The following DMD variants were observed in gnomAD, a reference collection of about 807,000 sequenced individuals.
The protein encoded by DMD is dystrophin.
Under a neutral mutation model 330.1 loss-of-function variants are expected in DMD, and 63 were observed. The observed-to-expected ratio is 0.19, with a 90% confidence interval of 0.16 to 0.24. The LOEUF is 0.24. Ranked by LOEUF, DMD falls within the 10% of genes least tolerant of loss-of-function variation. The pLI is 1.00. For missense variants in DMD, 3,344 were observed against 2,684.1 expected (o/e 1.25, Z -5.43); for synonymous variants, 1,223 against 959.8 (o/e 1.27, Z -5.07).
intron 50 of DMD, among the ~76,000 whole-genome samples, chrX:31,781,243 G>A (rs2090993555): frequency 9.0e-6 from 1 of 111,532 alleles, no homozygotes; most frequent in South Asian, 3.8e-4. Flanking sequence ...ACTTGTTCAG[G>A]ATCTCACATT....
intron 54 of DMD, among the ~76,000 whole-genome samples, chrX:31,656,151 T>G (rs2080771418): frequency 8.9e-6 from 1 of 112,351 alleles, no homozygotes; most frequent in Non-Finnish European, 1.9e-5. Flanking sequence ...AAGAACTTTA[T>G]AGACATGAGT....
At chrX:31,853,811 C>T (rs1226258875) in intron 48 of DMD, among the ~76,000 whole-genome samples, 1 of 111,865 alleles carries the variant, frequency 8.9e-6, no homozygotes, top group East Asian at 2.8e-4. Flanking sequence ...GTGGGGCGTC[C>T]CCAAGTACAA....
chrX:33,213,512 C>T (rs2051995210), upstream of DMD, among the ~76,000 whole-genome samples: 1 of 111,967 alleles, frequency 8.9e-6, no homozygotes, highest in Non-Finnish European at 1.9e-5. Context: ...TCTTGTGTCC[C>T]TTAATCACTT....
intron 55 of DMD, among the ~76,000 whole-genome samples, chrX:31,561,494 A>C (rs1219403383): frequency 8.9e-6 from 1 of 111,785 alleles, no homozygotes; most frequent in Non-Finnish European, 1.9e-5. Flanking sequence ...ACATCATATT[A>C]CTCTGTTGTC....
In DMD at chrX:32,786,075, G is replaced by A. The variant is rs761770117; in HGVS notation, c.649+23418C>T. 4.1e-5 allele frequency among the ~76,000 whole-genome samples: 4 copies of A among 97,938 alleles called. No individual in the cohort carries two copies. In the Admixed American group the frequency reaches 4.3e-4, roughly 11 times the overall value. The allele number at this position is 97,938 out of a possible 115,157, so 85.0% of individuals were successfully genotyped here. On this transcript the variant is annotated intron_variant, in intron 7 of 78. Coordinates refer to ENST00000357033, the MANE Select transcript of DMD (RefSeq NM_004006.3). ...TTCACCATGTACTCTTGCCTCTTGA[G>A]GAGGAATAAGAGTGTGTGTGTGTGT...
At chrX:31,938,385 A>G (rs145883001) in intron 45 of DMD, among the ~76,000 whole-genome samples, 2 of 112,147 alleles carry the variant, frequency 1.8e-5, no homozygotes, top group East Asian at 5.6e-4. Flanking sequence ...AACTTTAGAA[A>G]ATGGAGATAC....
intron 12 of DMD, among the ~76,000 whole-genome samples, chrX:32,598,356 G>A (rs1381866480): frequency 1.8e-5 from 2 of 111,416 alleles, no homozygotes; most frequent in Non-Finnish European, 3.8e-5. Flanking sequence ...CAGTCATGTT[G>A]AGTCTGTGTT....
At chrX:33,237,078 G>A (rs1050747560) in intron 1 of DMD, among the ~76,000 whole-genome samples, 1 of 110,353 alleles carries the variant, frequency 9.1e-6, no homozygotes. Context: ...TGAGGGAAAC[G>A]GTTGTACAAT....
intron 1 of DMD, among the ~76,000 whole-genome samples, chrX:33,080,978 A>G (rs1364454063): frequency 1.0e-5 from 1 of 95,943 alleles, no homozygotes; most frequent in Non-Finnish European, 2.1e-5. Context: ...TAAACATCAC[A>G]CACACACACA....
At chrX:32,356,379 TAAAAAAAAAAAA>T (rs71888370) in intron 37 of DMD, among the ~76,000 whole-genome samples, 1 of 52,740 alleles carries the variant, frequency 1.9e-5, no homozygotes, top group African/African-American at 6.5e-5. Flanking sequence ...TGAATGGAAG[TAAAAAAAAAAAA>T]AAAAAAAAAA....
At chrX:32,252,045 T>A (rs1159579047) in intron 43 of DMD, among the ~76,000 whole-genome samples, 1 of 111,555 alleles carries the variant, frequency 9.0e-6, no homozygotes, top group Non-Finnish European at 1.9e-5. Context: ...AAAAATAAAC[T>A]TGTAATGGTT....
At chrX:31,778,941 C>T (rs1428977705) in intron 50 of DMD, among the ~76,000 whole-genome samples, 1 of 111,609 alleles carries the variant, frequency 9.0e-6, no homozygotes, top group Non-Finnish European at 1.9e-5. Flanking sequence ...CTTTATCTAA[C>T]ACATATGCGG....
intron 2 of DMD, among the ~76,000 whole-genome samples, chrX:32,861,624 G>A (rs757563462): frequency 9.9e-5 from 11 of 111,475 alleles, no homozygotes; most frequent in Non-Finnish European, 1.9e-4. Flanking sequence ...GTGGTTTCTA[G>A]TTACTACATA....
At chrX:31,776,992 G>A (rs1269693677) in intron 50 of DMD, among the ~76,000 whole-genome samples, 1 of 111,707 alleles carries the variant, frequency 9.0e-6, no homozygotes, top group Non-Finnish European at 1.9e-5. Context: ...GGAAAGGGAG[G>A]GGAAACCTTA....
Position 31,878,453 on chromosome X carries a change from C to A in DMD, c.6913-3080G>T, listed in dbSNP as rs1385575155. Among the ~76,000 whole-genome samples the A allele has an allele frequency of 3.6e-5, 4 of 111,296 alleles. No individual in the cohort carries two copies. In the Admixed American group the frequency reaches 3.8e-4, roughly 11 times the overall value. ...GCAGTATATGTCTATAGTAGTCAAC[C>A]ACAAAAAAATGTAAATTGTATCCTC... is the stretch of plus-strand genomic sequence containing the variant. On this transcript the variant is annotated intron_variant, in intron 47 of 78. Transcript: ENST00000357033.
chrX:32,763,140 C>T (rs2072534525), intron 7 of DMD, among the ~76,000 whole-genome samples: 1 of 111,599 alleles, frequency 9.0e-6, no homozygotes, highest in Admixed American at 9.5e-5. Context: ...TGACTTGAAC[C>T]AGAAATGACT....
At chrX:32,822,606 CATAT>C (rs1051415414) in intron 5 of DMD, among the ~76,000 whole-genome samples, 5 of 108,906 alleles carry the variant, frequency 4.6e-5, no homozygotes, top group African/African-American at 1.7e-4. Context: ...TATATATATA[CATAT>C]ATAATGTGTG....
At chrX:33,130,743 G>T (rs968628233) in intron 1 of DMD, among the ~76,000 whole-genome samples, 3 of 110,237 alleles carry the variant, frequency 2.7e-5, no homozygotes, top group African/African-American at 9.9e-5. Context: ...TAGAGACGGG[G>T]TTTCTCCATG....
chrX:31,796,845 G>A (rs2091854947), intron 50 of DMD, among the ~76,000 whole-genome samples: 1 of 111,024 alleles, frequency 9.0e-6, no homozygotes, highest in Admixed American at 9.6e-5. Context: ...GCAAGAGCTA[G>A]TTGCCAAATA....
Sources: gnomAD v4.1 joint callset for allele counts (sites outside exome capture counted in the v4.1 genomes callset) on GRCh38, gnomAD v4.1.1 for gene constraint, MANE v1.5 for transcripts, NCBI Gene and HGNC (gene_info 2026-07-23, HGNC 2026-07-21) for gene names.